EFCAB6: variants seen among roughly 807,000 people sequenced by gnomAD.
EFCAB6 encodes EF-hand calcium-binding domain-containing protein 6.
EFCAB6 carries 156 observed loss-of-function variants against 169.8 expected under a neutral mutation model. That is an observed-to-expected ratio of 0.92 (90% confidence interval 0.81 to 1.05). The LOEUF (loss-of-function observed/expected upper bound fraction) is 1.05, where lower values mean the gene tolerates loss of function less well. Among genes scored for constraint, EFCAB6 ranks in the 50% least tolerant of loss-of-function variants. EFCAB6 has a pLI of 0.00. For missense variants in EFCAB6, 1,800 were observed against 1,829.1 expected (o/e 0.98, Z 0.29); for synonymous variants, 698 against 676.4 (o/e 1.03, Z -0.50).
At chr22:43,800,666 CTG>C (rs1374524689) in intron 2 of EFCAB6, among the ~76,000 whole-genome samples, 3 of 152,140 alleles carry the variant, frequency 2.0e-5, no homozygotes, top group African/African-American at 7.2e-5. Flanking sequence ...AATCTTGGAA[CTG>C]AGAAATACAT....
chr22:43,683,676 G>C (rs747465043), intron 12 of EFCAB6, 71 bp downstream of exon 12: 30 of 1,081,496 alleles, frequency 2.8e-5, no homozygotes, highest in Non-Finnish European at 4.3e-5. Context: ...AGTTGTTATT[G>C]GTCTTGTTCT....
At chr22:43,714,709 T>G (rs1287650026) in intron 9 of EFCAB6, among the ~76,000 whole-genome samples, 2 of 152,046 alleles carry the variant, frequency 1.3e-5, no homozygotes. Flanking sequence ...GCCAGCCAAG[T>G]TGCTGTTCAA....
rs1377948483 is a variant in EFCAB6 at position 43,581,860 on chromosome 22, T to C, written c.3033-1201A>G. On this transcript the variant is annotated intron_variant, in intron 24 of 31. Transcript: ENST00000262726. Reference sequence around the variant, plus strand: ...GAAAAGGACAATCAACACTATTTCATCAGCGGGATAAATTGCCAACGTGGT... The same window carrying C: ...GAAAAGGACAATCAACACTATTTCACCAGCGGGATAAATTGCCAACGTGGT... 3.3e-5 allele frequency among the ~76,000 whole-genome samples: 5 copies of C among 152,330 alleles called. No homozygotes were observed. The South Asian group carries it at 1.0e-3, about 32-fold the overall frequency.
At chr22:43,565,845 C>T (rs2049388559) in intron 26 of EFCAB6, among the ~76,000 whole-genome samples, 1 of 151,864 alleles carries the variant, frequency 6.6e-6, no homozygotes, top group Non-Finnish European at 1.5e-5. Context: ...GTAAAGAATT[C>T]CTCACTTCCT....
At chr22:43,667,019 A>G in intron 17 of EFCAB6, 85 bp downstream of exon 17, 2 of 1,460,386 alleles carry the variant, frequency 1.4e-6, no homozygotes, top group Non-Finnish European at 1.8e-6. Flanking sequence ...GTCCTGGGAT[A>G]AGCCATTGTC....
intron 10 of EFCAB6, among the ~76,000 whole-genome samples, chr22:43,693,518 G>A (rs2058477334): frequency 6.7e-6 from 1 of 148,750 alleles, no homozygotes; most frequent in Non-Finnish European, 1.5e-5. Flanking sequence ...TGATTACTAA[G>A]TGCTATGGGG....
At chr22:43,806,815 C>G (rs749235896) in intron 2 of EFCAB6, among the ~76,000 whole-genome samples, 2 of 152,048 alleles carry the variant, frequency 1.3e-5, no homozygotes, top group African/African-American at 2.4e-5. Context: ...TGTCCTTAAA[C>G]AAAATTAATC....
At chr22:43,685,756 T>C (rs1245932887) in intron 11 of EFCAB6, among the ~76,000 whole-genome samples, 2 of 152,210 alleles carry the variant, frequency 1.3e-5, no homozygotes, top group Non-Finnish European at 2.9e-5. Flanking sequence ...CATAGGGATA[T>C]GCATTTACAT....
chr22:43,748,909 C>G (rs948814775), intron 6 of EFCAB6, among the ~76,000 whole-genome samples: 2 of 152,174 alleles, frequency 1.3e-5, no homozygotes, highest in African/African-American at 4.8e-5. Context: ...CCAGAGAAGT[C>G]TGACGGGCTC....
At chr22:43,603,013 G>T (rs1474510182) in intron 22 of EFCAB6, among the ~76,000 whole-genome samples, 1 of 151,898 alleles carries the variant, frequency 6.6e-6, no homozygotes, top group African/African-American at 2.4e-5. Flanking sequence ...ACAGCATTCA[G>T]CAACACACTT....
At chr22:43,605,885 C>T (rs957301367) in intron 22 of EFCAB6, among the ~76,000 whole-genome samples, 8 of 152,222 alleles carry the variant, frequency 5.3e-5, no homozygotes, top group Admixed American at 3.3e-4. Flanking sequence ...ATATTGCATG[C>T]AATACTTTCC....
chr22:43,736,088 T>TA, intron 6 of EFCAB6, 95 bp from the exon 7 acceptor site: 1 of 1,233,422 alleles, frequency 8.1e-7, no homozygotes, highest in South Asian at 2.0e-5. Flanking sequence ...ATACTTTTTA[T>TA]AAAATAAAAT....
chr22:43,631,273 C>T (rs1017374870), intron 19 of EFCAB6, among the ~76,000 whole-genome samples: 1 of 151,654 alleles, frequency 6.6e-6, no homozygotes, highest in African/African-American at 2.4e-5. Flanking sequence ...TTGACTTGAT[C>T]GCCCTAACTT....
chr22:43,650,755 A>AG (rs1312628887), intron 17 of EFCAB6, among the ~76,000 whole-genome samples: 1 of 152,132 alleles, frequency 6.6e-6, no homozygotes, highest in African/African-American at 2.4e-5. Flanking sequence ...GTCCAGGCTG[A>AG]GGGGGTCTCA....
At chr22:43,649,116 A>C (rs992376029) in intron 17 of EFCAB6, among the ~76,000 whole-genome samples, 1 of 152,216 alleles carries the variant, frequency 6.6e-6, no homozygotes, top group African/African-American at 2.4e-5. Flanking sequence ...GGGGGAAAAA[A>C]GTCCCCGGGC....
At chr22:43,625,652 G>A (rs1316671051) in intron 20 of EFCAB6, among the ~76,000 whole-genome samples, 1 of 152,218 alleles carries the variant, frequency 6.6e-6, no homozygotes, top group Non-Finnish European at 1.5e-5. Context: ...GGCTGGGCAG[G>A]GGCCTAGGGG....
chr22:43,746,709 A>C (rs2060576652), intron 6 of EFCAB6, among the ~76,000 whole-genome samples: 1 of 152,238 alleles, frequency 6.6e-6, no homozygotes, highest in Non-Finnish European at 1.5e-5. Flanking sequence ...CTAGGAGTTC[A>C]AGACTAGCCT....
chr22:43,589,280 CAAAAAAAAAAAAAAAA>C (rs1163346832), intron 24 of EFCAB6, among the ~76,000 whole-genome samples: 15 of 80,946 alleles, frequency 1.9e-4, no homozygotes, highest in South Asian at 7.7e-4. Flanking sequence ...GACTTCATGT[CAAAAAAAAAAAAAAAA>C]AAAAAAAAAA....
chr22:43,552,341 G>A (rs552564189), intron 27 of EFCAB6: 1 of 152,290 alleles, frequency 6.6e-6, no homozygotes, highest in South Asian at 2.1e-4. Flanking sequence ...TTGGTCATAT[G>A]GTATTACTGC....
Sources: allele counts gnomAD v4.1 joint callset (sites outside exome capture counted in the v4.1 genomes callset), GRCh38; gene constraint gnomAD v4.1.1; transcripts MANE v1.5; gene names NCBI Gene and HGNC (gene_info 2026-07-23, HGNC 2026-07-21).